SLC9D1: variants seen among roughly 807,000 people sequenced by gnomAD.
SLC9D1 encodes the protein putative LAG1-interacting protein.
chr13:113,524,036 T>C, the SLC9D1 span: 3 of 447,712 alleles, frequency 6.7e-6, no homozygotes, highest in South Asian at 4.8e-5. Context: ...CCAGTGATAC[T>C]GTCTGTGGTA....
chr13:113,544,748 G>C, the SLC9D1 span, among the ~76,000 whole-genome samples: 2 of 152,232 alleles, frequency 1.3e-5, no homozygotes, highest in African/African-American at 4.8e-5. Flanking sequence ...TGCGCGGAGA[G>C]ATTAGGTTCT....
the SLC9D1 span, chr13:113,503,345 T>TTACTG: frequency 4.7e-4 from 222 of 476,294 alleles, 1 homozygote; most frequent in African/African-American, 4.3e-3. Context: ...CACTGTGTGA[T>TTACTG]TGTGTGTGTG....
At chr13:113,508,434 C>T in the SLC9D1 span, among the ~76,000 whole-genome samples, 2 of 152,164 alleles carry the variant, frequency 1.3e-5, no homozygotes, top group Non-Finnish European at 2.9e-5. Flanking sequence ...TGCTCTTCGG[C>T]CGTGATATTC....
the SLC9D1 span, among the ~76,000 whole-genome samples, chr13:113,535,790 C>T: frequency 6.6e-6 from 1 of 151,888 alleles, no homozygotes; most frequent in Middle Eastern, 3.4e-3. This position sits in a 1 kb window ranked among gnomAD's most constrained non-coding sequence, Gnocchi z 4.1. Flanking sequence ...TGGGGAGGGG[C>T]TGGGGATGGC....
At chr13:113,509,930 G>A in the SLC9D1 span, among the ~76,000 whole-genome samples, 3 of 152,128 alleles carry the variant, frequency 2.0e-5, no homozygotes, top group South Asian at 2.1e-4. Context: ...TGTGTGCCTC[G>A]GTGTTTTCAT....
chr13:113,533,503 G>A, the SLC9D1 span, among the ~76,000 whole-genome samples: 1 of 152,188 alleles, frequency 6.6e-6, no homozygotes, highest in African/African-American at 2.4e-5. Context: ...GCAGATAGTG[G>A]ATGTCCGCTG....
chr13:113,524,081 G>A, the SLC9D1 span: 14 of 455,628 alleles, frequency 3.1e-5, no homozygotes, highest in South Asian at 9.3e-5. Flanking sequence ...AAAAAAAAGT[G>A]TATTCTGTTA....
chr13:113,536,340 C>CAA, the SLC9D1 span, among the ~76,000 whole-genome samples: 2,980 of 143,506 alleles, frequency 0.021, 90 homozygotes, highest in African/African-American at 0.066. Flanking sequence ...AAGACTGCCT[C>CAA]AAAAAAAAAA....
the SLC9D1 span, among the ~76,000 whole-genome samples, chr13:113,501,260 C>T: frequency 2.0e-5 from 3 of 152,172 alleles, no homozygotes; most frequent in South Asian, 6.2e-4. Flanking sequence ...TCCTCAGATT[C>T]AACCAACTGT....
chr13:113,509,434 TC>T, the SLC9D1 span, among the ~76,000 whole-genome samples: 89 of 97,098 alleles, frequency 9.2e-4, 5 homozygotes, highest in Admixed American at 1.7e-3. Context: ...GGTGGGTGGG[TC>T]CCCCCTGGAG....
the SLC9D1 span, among the ~76,000 whole-genome samples, chr13:113,491,627 C>T: frequency 6.6e-6 from 1 of 152,218 alleles, no homozygotes; most frequent in East Asian, 1.9e-4. Context: ...GCCTGGGGTC[C>T]CGCTCCTCCA....
chr13:113,549,974 T>C, the SLC9D1 span: 1 of 348,338 alleles, frequency 2.9e-6, no homozygotes, highest in Non-Finnish European at 5.2e-6. Context: ...TTCTGTAATA[T>C]GAAGTTGTAA....
the SLC9D1 span, among the ~76,000 whole-genome samples, chr13:113,503,218 A>G: frequency 6.6e-5 from 10 of 152,244 alleles, no homozygotes; most frequent in African/African-American, 2.2e-4. Context: ...TGGATGCTGT[A>G]AAAATTATAA....
chr13:113,537,450 G>T, the SLC9D1 span, among the ~76,000 whole-genome samples: 2 of 152,342 alleles, frequency 1.3e-5, no homozygotes, highest in Non-Finnish European at 2.9e-5. Context: ...AGGCCTGGCC[G>T]CGTCGCCGTG....
the SLC9D1 span, among the ~76,000 whole-genome samples, chr13:113,517,512 A>AT: frequency 1.3e-5 from 2 of 152,260 alleles, no homozygotes; most frequent in South Asian, 4.1e-4. Context: ...ACATGCAGCC[A>AT]TTTTTGTATT....
the SLC9D1 span, among the ~76,000 whole-genome samples, chr13:113,509,227 T>C: frequency 1.4e-5 from 2 of 138,462 alleles, no homozygotes; most frequent in Non-Finnish European, 3.1e-5. Flanking sequence ...CTGGCGGGCT[T>C]GGTGGGTGGG....
chr13:113,499,031 G>A, the SLC9D1 span, among the ~76,000 whole-genome samples: 59 of 152,346 alleles, frequency 3.9e-4, no homozygotes, highest in South Asian at 6.2e-4. Flanking sequence ...TAAGCAAGGG[G>A]TAGGTTATTC....
At chr13:113,523,160 A>G in the SLC9D1 span, among the ~76,000 whole-genome samples, 1 of 151,756 alleles carries the variant, frequency 6.6e-6, no homozygotes, top group South Asian at 2.1e-4. Context: ...AATAAAAGTC[A>G]TACTAGGTTC....
At chr13:113,523,993 G>A in the SLC9D1 span, 2 of 401,380 alleles carry the variant, frequency 5.0e-6, no homozygotes, top group South Asian at 3.6e-5. Context: ...TATGATTTCA[G>A]TTCTTCTACA....
Sources: allele counts gnomAD v4.1 joint callset (sites outside exome capture counted in the v4.1 genomes callset), GRCh38; gene constraint gnomAD v4.1.1; non-coding constraint Gnocchi (gnomAD v3.1); transcripts MANE v1.5; gene names NCBI Gene and HGNC (gene_info 2026-07-23, HGNC 2026-07-21).